ZNF804B: variants seen among roughly 807,000 people sequenced by gnomAD.
The protein encoded by ZNF804B is zinc finger protein 804B, also known as zinc finger 804B.
ZNF804B carries 80 observed loss-of-function variants against 101.4 expected under a neutral mutation model. The observed-to-expected ratio is 0.79, with a 90% CI of 0.66 to 0.95. The LOEUF is 0.95. Ranked by LOEUF, ZNF804B falls within the 40% of genes least tolerant of loss-of-function variation. The probability of loss-of-function intolerance (pLI) is 0.00; values close to 1 mark genes in which losing one functional copy is unlikely to be tolerated. For missense variants in ZNF804B, 1,673 were observed against 1,561.9 expected, an observed-to-expected ratio of 1.07 and a Z score of -1.20; for synonymous variants, 622 against 558.8, an observed-to-expected ratio of 1.11 and a Z score of -1.59.
At chr7:89,249,543 T>C (rs1017227560) in intron 2 of ZNF804B, among the ~76,000 whole-genome samples, 2 of 151,840 alleles carry the variant, frequency 1.3e-5, no homozygotes, top group African/African-American at 4.8e-5. Context: ...TTTGGGTAAA[T>C]AACAAAACTA....
chr7:89,205,432 A>G (rs1242345708), intron 1 of ZNF804B, among the ~76,000 whole-genome samples: 1 of 152,154 alleles, frequency 6.6e-6, no homozygotes, highest in African/African-American at 2.4e-5. Flanking sequence ...ATCCTGTAAA[A>G]TCAAAAGCAA....
At position 88,940,768 on chromosome 7, in the gene ZNF804B, AAATAATAATAATAAT is replaced by A. The variant is rs71120045; in HGVS notation, c.108+180710_108+180724del. Among the ~76,000 whole-genome samples the A allele has an allele frequency of 3.8e-3, 526 of 139,488 alleles. 8 individuals carry two copies. The highest frequency in any genetic ancestry group is 0.013 in the African/African-American group (498 of 38,218). 91.5% of individuals were successfully genotyped at this position (139,488 alleles called of 152,430 possible). A position where few individuals can be genotyped will look rare whatever the true frequency, so the allele number is the denominator to read the frequency against. ...GGGCAACAAAGTGGGACCCTATTTA[AAATAATAATAATAAT>A]AATAATAATAATAATAATAATAATA... On this transcript the variant is annotated intron_variant, in intron 1 of 3. Coordinates refer to ENST00000333190, the MANE Select transcript of ZNF804B (RefSeq NM_181646.5).
At chr7:89,048,762 G>T (rs182071188) in intron 1 of ZNF804B, among the ~76,000 whole-genome samples, 3 of 151,800 alleles carry the variant, frequency 2.0e-5, no homozygotes, top group African/African-American at 7.3e-5. Flanking sequence ...TTTAGTACAG[G>T]TCTCGTCATT....
intron 1 of ZNF804B, among the ~76,000 whole-genome samples, chr7:88,783,612 C>T (rs1790260266): frequency 6.6e-6 from 1 of 152,120 alleles, no homozygotes; most frequent in Admixed American, 6.6e-5. Context: ...ACTGTCTTCA[C>T]TTTTGTGAAT....
intron 2 of ZNF804B, among the ~76,000 whole-genome samples, chr7:89,220,575 G>A (rs1420569545): frequency 6.6e-6 from 1 of 151,770 alleles, no homozygotes; most frequent in Non-Finnish European, 1.5e-5. Flanking sequence ...ACATTATTTT[G>A]AAGCAAGTGC....
chr7:89,077,949 T>G (rs1453576473), intron 1 of ZNF804B, among the ~76,000 whole-genome samples: 2 of 152,138 alleles, frequency 1.3e-5, no homozygotes, highest in Non-Finnish European at 2.9e-5. Flanking sequence ...GGTTAACCAG[T>G]TGAAAATTTT....
At chr7:88,967,603 A>G (rs117964693) in intron 1 of ZNF804B, among the ~76,000 whole-genome samples, 1,712 of 130,666 alleles carry the variant, frequency 0.013, 15 homozygotes, top group Non-Finnish European at 0.023. Flanking sequence ...TTACTAATAG[A>G]ACAATAGTAA....
intron 1 of ZNF804B, among the ~76,000 whole-genome samples, chr7:89,145,767 A>G (rs1790781502): frequency 1.3e-5 from 2 of 152,054 alleles, no homozygotes; most frequent in Non-Finnish European, 1.5e-5. Flanking sequence ...TAGTTCAGAG[A>G]CATTTCATTA....
Position 88,987,766 on chromosome 7 carries a change from C to T in ZNF804B, c.108+227682C>T, listed in dbSNP as rs1297338752. Among the ~76,000 whole-genome samples, 10 of 151,946 alleles carry T rather than the reference C, an allele frequency of 6.6e-5. 1 individual carries two copies. The highest frequency in any genetic ancestry group is 1.5e-4 in the Non-Finnish European group (10 of 67,986). On this transcript the variant is annotated intron_variant, in intron 1 of 3. Transcript: ENST00000333190. Reference sequence around the variant, plus strand: ...TCATTTATTTGGGTTGGGAACATTCCAAGTCTTCTCTTCTAGCTACTTTGA... The same window carrying T: ...TCATTTATTTGGGTTGGGAACATTCTAAGTCTTCTCTTCTAGCTACTTTGA...
chr7:88,817,304 A>G (rs1583955453), intron 1 of ZNF804B, among the ~76,000 whole-genome samples: 1 of 152,182 alleles, frequency 6.6e-6, no homozygotes, highest in East Asian at 1.9e-4. Context: ...TGGGTGCAGC[A>G]CACCAACATG....
chr7:88,857,176 A>G (rs1791573416), intron 1 of ZNF804B, among the ~76,000 whole-genome samples: 1 of 152,130 alleles, frequency 6.6e-6, no homozygotes, highest in Non-Finnish European at 1.5e-5. Context: ...TCTAAAATTG[A>G]CACCCTAACA....
chr7:89,147,035 CA>C (rs1048045715), intron 1 of ZNF804B, among the ~76,000 whole-genome samples: 1 of 145,562 alleles, frequency 6.9e-6, no homozygotes, highest in Non-Finnish European at 1.5e-5. Context: ...AAAAAACAAA[CA>C]AAAAAACCCC....
chr7:89,316,710 A>C (rs1437846985), intron 2 of ZNF804B, among the ~76,000 whole-genome samples: 3 of 152,202 alleles, frequency 2.0e-5, no homozygotes, highest in Non-Finnish European at 4.4e-5. Flanking sequence ...TGAAAGGCTA[A>C]TGATGGACTA....
rs541199117 is a variant in ZNF804B, at chr7:89,185,673, C to T, written c.109-32482C>T. ...GTTGGGAGTTAGAGACAAGCCTGGC[C>T]AACATGGTGAAAACCTGTCTTACTA... On this transcript the variant is annotated intron_variant, in intron 1 of 3. Transcript: ENST00000333190. 3.3e-5 allele frequency among the ~76,000 whole-genome samples: 5 copies of T among 152,118 alleles called. No individual in the cohort carries two copies. The South Asian group carries it at 1.0e-3, about 32-fold the overall frequency.
chr7:89,232,981 G>A (rs1306513890), intron 2 of ZNF804B, among the ~76,000 whole-genome samples: 1 of 152,018 alleles, frequency 6.6e-6, no homozygotes, highest in Non-Finnish European at 1.5e-5. Context: ...GAGTGCAGTG[G>A]CGCGATCTCC....
Position 88,939,963 on chromosome 7 carries a change from C to T in ZNF804B, c.108+179879C>T, listed in dbSNP as rs1247303368. On this transcript the variant is annotated intron_variant, in intron 1 of 3. Coordinates refer to ENST00000333190, the MANE Select transcript of ZNF804B (RefSeq NM_181646.5). ...AGTCAGAGGGGAAGATACTATTGTA[C>T]TTCTTTCAGAAACTATCTTATCAAA... Among the ~76,000 whole-genome samples, 3 of 152,032 alleles carry T rather than the reference C, an allele frequency of 2.0e-5. No homozygotes were observed. The East Asian group carries it at 5.8e-4, about 30-fold the overall frequency.
At chr7:88,764,653 G>A (rs1050187539) in intron 1 of ZNF804B, among the ~76,000 whole-genome samples, 7 of 152,110 alleles carry the variant, frequency 4.6e-5, no homozygotes, top group Non-Finnish European at 1.0e-4. Context: ...TCTTAAATGA[G>A]GAAATGAGTG....
At chr7:88,947,537 G>A (rs147760906) in intron 1 of ZNF804B, among the ~76,000 whole-genome samples, 225 of 151,928 alleles carry the variant, frequency 1.5e-3, no homozygotes, top group African/African-American at 5.1e-3. Context: ...CTAGGGGAAG[G>A]GAGGGGTAGC....
intron 1 of ZNF804B, among the ~76,000 whole-genome samples, chr7:89,067,442 C>T (rs764347641): frequency 1.9e-4 from 29 of 152,196 alleles, no homozygotes; most frequent in Non-Finnish European, 3.5e-4. Context: ...TTAACAGCAG[C>T]ACCTCAGTTT....
Sources: allele counts gnomAD v4.1 joint callset (sites outside exome capture counted in the v4.1 genomes callset), GRCh38; gene constraint gnomAD v4.1.1; transcripts MANE v1.5; gene names NCBI Gene and HGNC (gene_info 2026-07-23, HGNC 2026-07-21).